Variants in CCSER2 observed in about 807,000 individuals in gnomAD.
CCSER2 encodes the protein serine-rich coiled-coil domain-containing protein 2.
CCSER2 carries 46 observed loss-of-function variants against 92.3 expected under a neutral mutation model. That is an observed-to-expected ratio of 0.50 (90% CI 0.39 to 0.64). The LOEUF (loss-of-function observed/expected upper bound fraction) is 0.64. Ranked by LOEUF, CCSER2 falls within the 30% of genes least tolerant of loss-of-function variation. CCSER2 has a pLI of 0.00. For missense variants in CCSER2, 1,244 were observed against 1,238.9 expected, an observed-to-expected ratio of 1.00 and a Z score of -0.06; for synonymous variants, 433 against 431.4, an observed-to-expected ratio of 1.00 and a Z score of -0.04.
intron 3 of CCSER2, among the ~76,000 whole-genome samples, chr10:84,378,947 A>G (rs969822554): frequency 3.3e-5 from 5 of 151,866 alleles, no homozygotes; most frequent in Non-Finnish European, 5.9e-5. Context: ...TTGTTTTTCT[A>G]CTTGTTCTTG....
intron 4 of CCSER2, chr10:84,425,302 A>G (rs1843370368): frequency 3.5e-6 from 1 of 284,748 alleles, no homozygotes; most frequent in Non-Finnish European, 5.3e-6. Context: ...GTGAAAATTA[A>G]TTGTAGCAGT....
intron 9 of CCSER2, among the ~76,000 whole-genome samples, chr10:84,503,178 GA>G (rs1222760781): frequency 6.6e-6 from 1 of 152,056 alleles, no homozygotes; most frequent in Non-Finnish European, 1.5e-5. Flanking sequence ...CCGTGAGCCA[GA>G]TCGCACCACT....
chr10:84,498,579 GA>G (rs1456649511), intron 9 of CCSER2, among the ~76,000 whole-genome samples: 1 of 152,024 alleles, frequency 6.6e-6, no homozygotes. Flanking sequence ...CGGAAAGTGA[GA>G]AAAATTTTTT....
intron 9 of CCSER2, among the ~76,000 whole-genome samples, chr10:84,496,027 T>C (rs1027082689): frequency 2.6e-5 from 4 of 151,494 alleles, no homozygotes; most frequent in African/African-American, 9.7e-5. Flanking sequence ...ATAATTCTAT[T>C]TTTATTTATA....
At chr10:84,499,824 T>G (rs11201071) in intron 9 of CCSER2, 88,577 of 1,591,274 alleles carry the variant, frequency 0.056, 8,108 homozygotes, top group African/African-American at 0.42. Context: ...TTTCTCTATT[T>G]TTTGGTTCCC....
At chr10:84,483,998 A>AAT (rs1847646014) in intron 9 of CCSER2, among the ~76,000 whole-genome samples, 1 of 55,282 alleles carries the variant, frequency 1.8e-5, no homozygotes, top group African/African-American at 9.8e-5. Context: ...TATATATATA[A>AAT]TTTTTTTTTT....
intron 1 of CCSER2, among the ~76,000 whole-genome samples, chr10:84,329,106 C>G (rs1564569276): frequency 1.3e-5 from 2 of 152,110 alleles, no homozygotes; most frequent in Non-Finnish European, 2.9e-5. Context: ...GAGGCTGAGG[C>G]ACTCTGATTT....
At chr10:84,388,394 A>C (rs1841342367) in intron 3 of CCSER2, among the ~76,000 whole-genome samples, 2 of 151,996 alleles carry the variant, frequency 1.3e-5, no homozygotes, top group African/African-American at 4.8e-5. Context: ...TATCTTTTCT[A>C]CTGAGGCCAC....
intron 8 of CCSER2, among the ~76,000 whole-genome samples, chr10:84,472,655 A>G (rs1846886410): frequency 6.6e-6 from 1 of 152,332 alleles, no homozygotes; most frequent in Non-Finnish European, 1.5e-5. Context: ...AAATTAGAAA[A>G]GTAAATTTAA....
rs138691588 is a variant in CCSER2, at chr10:84,341,830, A to G, written c.-40+13022A>G. On this transcript the variant is annotated intron_variant, in intron 1 of 9. Transcript: ENST00000372088. ...TCACTTATGTTTGCCCATTTATTAA[A>G]CAGCATATTTTAAGAAATATAGATG... Among the ~76,000 whole-genome samples the G allele has an allele frequency of 2.0e-3, 301 of 152,252 alleles. 1 individual carries two copies. The highest frequency in any genetic ancestry group is 7.0e-3 in the African/African-American group (289 of 41,542).
At chr10:84,457,315 A>AATATATT (rs1564685006) in intron 6 of CCSER2, among the ~76,000 whole-genome samples, 39 of 59,300 alleles carry the variant, frequency 6.6e-4, no homozygotes, top group African/African-American at 1.3e-3. Context: ...TGTTATATAT[A>AATATATT]ATATATTATA....
chr10:84,511,720 T>C (rs1849355544), intron 9 of CCSER2, among the ~76,000 whole-genome samples: 1 of 152,212 alleles, frequency 6.6e-6, no homozygotes, highest in Admixed American at 6.5e-5. Context: ...ATGGTCCTGC[T>C]CTATTTTTTC....
chr10:84,438,684 A>C lies in CCSER2; in HGVS notation c.2041A>C (p.Lys681Gln), dbSNP rs1379899261. ...DCTAVKTQLL[K>Q]LKRLLHQHDG... ...CACTGCTGTAAAAACTCAGTTACTC[A>C]AACTGAAACGTCTCCTGCATCAGGT... The change falls in exon 6 of 10, where the codon AAA (lysine) becomes CAA (glutamine). Residue 681 changes from lysine (K) to glutamine (Q), a missense_variant. Coordinates refer to ENST00000372088, the MANE Select transcript of CCSER2 (RefSeq NM_001284240.2). The C allele has an allele frequency of 1.2e-6, 2 of 1,606,848 alleles. No individual in the cohort carries two copies. The highest frequency in any genetic ancestry group is 1.7e-6 in the Non-Finnish European group (2 of 1,175,890).
intron 3 of CCSER2, chr10:84,390,952 A>G (rs957464411): frequency 2.0e-5 from 15 of 762,158 alleles, no homozygotes; most frequent in African/African-American, 8.5e-5. Flanking sequence ...CTTTGCTTAT[A>G]TACTTGATAC....
At position 84,506,141 on chromosome 10, in the gene CCSER2, TA is replaced by T. The variant is rs3044062; in HGVS notation, c.2326-7295del. 2.7e-3 allele frequency among the ~76,000 whole-genome samples: 395 copies of T among 145,952 alleles called. 1 individual carries two copies. Among genetic ancestry groups the T allele is most frequent in the African/African-American group, 9.4e-3 (370 of 39,458 alleles). On this transcript the variant is annotated intron_variant, in intron 9 of 9. Transcript: ENST00000372088. ...AGTCCCTCTTAATCACTTTGATACT[TA>T]AAAAAAAAAAAACCAAACCCGTTAA...
At chr10:84,374,065 A>G in intron 3 of CCSER2, 3 of 833,504 alleles carry the variant, frequency 3.6e-6, no homozygotes, top group Non-Finnish European at 3.5e-6. Context: ...TGCATACTAT[A>G]TTAGTAGTTT....
intron 6 of CCSER2, 92 bp from the exon 7 acceptor site, chr10:84,463,841 A>C: frequency 1.3e-6 from 1 of 794,410 alleles, no homozygotes; most frequent in African/African-American, 1.7e-5. Context: ...GGTCTTCACC[A>C]TGCTAGCATT....
At chr10:84,426,172 G>A (rs1843426276) in intron 5 of CCSER2, among the ~76,000 whole-genome samples, 1 of 151,954 alleles carries the variant, frequency 6.6e-6, no homozygotes. Context: ...GCTGTCATTT[G>A]GAAATGATTA....
At chr10:84,378,641 G>A (rs963341455) in intron 3 of CCSER2, among the ~76,000 whole-genome samples, 18 of 152,020 alleles carry the variant, frequency 1.2e-4, no homozygotes, top group Non-Finnish European at 2.1e-4. Flanking sequence ...CACCATGTTG[G>A]CCAGGCTGGT....
Sources: gnomAD v4.1 joint callset for allele counts (sites outside exome capture counted in the v4.1 genomes callset) on GRCh38, gnomAD v4.1.1 for gene constraint, MANE v1.5 for transcripts, NCBI Gene and HGNC (gene_info 2026-07-23, HGNC 2026-07-21) for gene names.